DGLUCY: variants seen among roughly 807,000 people sequenced by gnomAD.
The protein encoded by DGLUCY is D-glutamate cyclase.
In DGLUCY, 58 loss-of-function variants were observed where a neutral mutation model predicts 58.5. The observed-to-expected ratio is 0.99, with a 90% CI of 0.80 to 1.23. The LOEUF is 1.23. DGLUCY is among the 50% of genes most tolerant of loss of function. The probability of loss-of-function intolerance (pLI) is 0.00; values close to 1 mark genes in which losing one functional copy is unlikely to be tolerated. For missense variants in DGLUCY, 779 were observed against 784.7 expected, an observed-to-expected ratio of 0.99 and a Z score of 0.09; for synonymous variants, 325 against 314.1, an observed-to-expected ratio of 1.03 and a Z score of -0.37.
At chr14:91,110,667 C>G (rs1411905714), upstream of DGLUCY, among the ~76,000 whole-genome samples, 1 of 151,980 alleles carries the variant, frequency 6.6e-6, no homozygotes, top group East Asian at 1.9e-4. Context: ...CTGATCTGAC[C>G]TCAAGCAATC....
rs747230488 is a variant in DGLUCY, at chr14:91,173,413, G to C, written c.581G>C (p.Gly194Ala). The C allele has an allele frequency of 6.2e-7, 1 of 1,608,250 alleles. No individual in the cohort carries two copies. Among genetic ancestry groups the C allele is most frequent in the Non-Finnish European group, 8.5e-7 (1 of 1,178,364 alleles). The part of the protein sequence containing the change: ...RACCSLGGEQ[G>A]QPVHMGDPEL... ...TGCTGCTCCCTCGGAGGTGAGCAGG[G>C]GCAACCTGTTCACATGGGCGACCCA... Residue 194 changes from glycine to alanine, a missense_variant, in exon 6 of 14, where the codon GGG becomes GCG. Physicochemically the swap from Gly to Ala is moderately conservative, Grantham distance 60 (BLOSUM62 0). Transcript: ENST00000256324.
intron 13 of DGLUCY, among the ~76,000 whole-genome samples, chr14:91,221,753 T>C (rs1232292359): frequency 7.9e-5 from 12 of 152,192 alleles, no homozygotes; most frequent in Non-Finnish European, 1.5e-5. Flanking sequence ...AACTTATTTT[T>C]GTTAAAGTAT....
chr14:91,074,114 TATATAC>T (rs1258559051), intron 1 of DGLUCY, among the ~76,000 whole-genome samples: 7 of 64,516 alleles, frequency 1.1e-4, no homozygotes, highest in South Asian at 7.9e-4. Context: ...AATATATATA[TATATAC>T]ACACACACAC....
upstream of DGLUCY, among the ~76,000 whole-genome samples, chr14:91,113,269 C>T (rs751794363): frequency 9.2e-5 from 14 of 152,072 alleles, no homozygotes; most frequent in Admixed American, 3.3e-4. Context: ...CACTGCACTC[C>T]GGCCTGGGTG....
At chr14:91,200,035 A>G in intron 11 of DGLUCY, 130 bp downstream of exon 11, 1 of 1,159,020 alleles carries the variant, frequency 8.6e-7, no homozygotes, top group Non-Finnish European at 1.2e-6. Context: ...GCTCACTGCA[A>G]CCTCTGCCTC....
intron 2 of DGLUCY, among the ~76,000 whole-genome samples, chr14:91,159,715 A>G (rs1479295418): frequency 6.6e-6 from 1 of 152,200 alleles, no homozygotes; most frequent in Non-Finnish European, 1.5e-5. Context: ...ACCTAAATCT[A>G]AATAAGGGAA....
At position 91,068,079 on chromosome 14, in the gene DGLUCY, G is replaced by GCGCACACACACACA. The variant is rs375738080; in HGVS notation, c.-82+7376_-82+7377insGCACACACACACAC. Among the ~76,000 whole-genome samples, 500 of 146,424 alleles carry GCGCACACACACACA rather than the reference G, an allele frequency of 3.4e-3. 5 individuals are homozygous for GCGCACACACACACA. Among genetic ancestry groups the GCGCACACACACACA allele is most frequent in the Middle Eastern group, 7.0e-3 (2 of 286 alleles). ...CGCGTGCACACACACACACGCGCAC[G>GCGCACACACACACA]CACACACACACACACACACACACAC... On this transcript the variant is annotated intron_variant, in intron 1 of 4. Coordinates refer to the DGLUCY transcript ENST00000521334.
In DGLUCY at chr14:91,224,910, G is replaced by A. The variant is rs1435398416; in HGVS notation, c.*77G>A. The A allele has an allele frequency of 9.8e-6, 14 of 1,431,084 alleles. No homozygotes were observed. The East Asian group carries it at 1.6e-4, about 16-fold the overall frequency. 88.6% of individuals were successfully genotyped at this position (1,431,084 alleles called of 1,614,324 possible). A position where few individuals can be genotyped will look rare whatever the true frequency, so the allele number is the denominator to read the frequency against. On this transcript the variant is annotated 3_prime_UTR_variant, in exon 14 of 14. Coordinates refer to ENST00000256324, the MANE Select transcript of DGLUCY (RefSeq NM_001102368.3). ...CGGGGAGAATGCAGCTGCTTCTGGC[G>A]ACAATCCTGCTAGTAAACACTGGTC...
At chr14:91,170,687 C>T (rs949518263) in intron 5 of DGLUCY, among the ~76,000 whole-genome samples, 4 of 152,154 alleles carry the variant, frequency 2.6e-5, no homozygotes, top group Middle Eastern at 3.2e-3. Context: ...AAACACAGCA[C>T]AGCCGGCGTC....
chr14:91,105,175 C>T (rs970255389), upstream of DGLUCY, among the ~76,000 whole-genome samples: 1 of 151,954 alleles, frequency 6.6e-6, no homozygotes, highest in Non-Finnish European at 1.5e-5. Flanking sequence ...ATTAGCTGGA[C>T]ATGGTGGTGC....
intron 1 of DGLUCY, chr14:91,091,225 C>CA (rs1201396512): frequency 4.0e-5 from 6 of 151,580 alleles, no homozygotes; most frequent in Non-Finnish European, 7.4e-5. Context: ...AAGCCCCCCT[C>CA]AAAAAAAAAT....
chr14:91,194,646 T>G (rs1415368215), intron 9 of DGLUCY, among the ~76,000 whole-genome samples: 1 of 151,910 alleles, frequency 6.6e-6, no homozygotes, highest in Non-Finnish European at 1.5e-5. Flanking sequence ...GTTCAAGTGA[T>G]TCTCCTGCCT....
intron 1 of DGLUCY, among the ~76,000 whole-genome samples, chr14:91,076,335 C>T (rs555662594): frequency 2.6e-5 from 4 of 152,252 alleles, no homozygotes; most frequent in African/African-American, 9.6e-5. Flanking sequence ...GTAACCTGTG[C>T]ACATCCTCTC....
chr14:91,102,743 A>ATGTGTGTGTGTGTGTGTG lies in DGLUCY; in HGVS notation c.-82+42065_-82+42082dup, dbSNP rs548653144. On this transcript the variant is annotated intron_variant, in intron 1 of 4. Coordinates refer to the DGLUCY transcript ENST00000521334. Reference sequence around the variant, plus strand: ...GCTGCTGGGACCCCTTCCAGTGTGTATGTGTGTGTGTGTGTGTGTGTGTGT... The same window carrying ATGTGTGTGTGTGTGTGTG: ...GCTGCTGGGACCCCTTCCAGTGTGTATGTGTGTGTGTGTGTGTGTGTGTGTGTGTGTGTGTGTGTGTGT... Among the ~76,000 whole-genome samples, 1,103 of 130,646 alleles carry ATGTGTGTGTGTGTGTGTG rather than the reference A, an allele frequency of 8.4e-3. 25 individuals carry two copies. Among genetic ancestry groups the ATGTGTGTGTGTGTGTGTG allele is most frequent in the Middle Eastern group, 0.016 (4 of 248 alleles). 85.7% of individuals were successfully genotyped at this position (130,646 alleles called of 152,430 possible).
chr14:91,217,813 T>G (rs1886812917), intron 13 of DGLUCY, among the ~76,000 whole-genome samples: 1 of 152,088 alleles, frequency 6.6e-6, no homozygotes, highest in Non-Finnish European at 1.5e-5. Context: ...TTTCCTGTTT[T>G]CTTACACCCT....
chr14:91,210,667 C>T (rs189965806), intron 12 of DGLUCY, among the ~76,000 whole-genome samples: 1,641 of 152,244 alleles, frequency 0.011, 20 homozygotes, highest in Admixed American at 0.024. Flanking sequence ...AAAAGCAACA[C>T]CCATTCATGA....
intron 1 of DGLUCY, among the ~76,000 whole-genome samples, chr14:91,089,616 GT>G (rs1260579570): frequency 6.6e-6 from 1 of 152,134 alleles, no homozygotes; most frequent in Non-Finnish European, 1.5e-5. Context: ...GAGATCAGGA[GT>G]TTGAGACCAG....
intron 8 of DGLUCY, among the ~76,000 whole-genome samples, chr14:91,186,408 G>A (rs369323204): frequency 6.6e-4 from 100 of 151,914 alleles, no homozygotes; most frequent in Middle Eastern, 6.8e-3. Flanking sequence ...CACCATGCCC[G>A]GCTAATTTTT....
At chr14:91,130,308 T>TTC (rs2045958771) in intron 1 of DGLUCY, among the ~76,000 whole-genome samples, 1 of 150,764 alleles carries the variant, frequency 6.6e-6, no homozygotes, top group South Asian at 2.1e-4. Flanking sequence ...TTCTTTTCTT[T>TTC]TTTTTTTTTT....
Sources: allele counts gnomAD v4.1 joint callset (sites outside exome capture counted in the v4.1 genomes callset), GRCh38; gene constraint gnomAD v4.1.1; transcripts MANE v1.5; gene names NCBI Gene and HGNC (gene_info 2026-07-23, HGNC 2026-07-21).